Variants in TRIM2 observed in about 807,000 individuals in gnomAD.
TRIM2 encodes tripartite motif containing 2, also known as tripartite motif-containing protein 2.
Under a neutral mutation model 75.2 loss-of-function variants are expected in TRIM2, and 20 were observed. That is an observed-to-expected ratio of 0.27 (90% CI 0.19 to 0.39). TRIM2 has a LOEUF of 0.39. TRIM2 is among the 10% of genes least tolerant of loss of function. The probability of loss-of-function intolerance (pLI) is 1.00; values close to 1 mark genes in which losing one functional copy is unlikely to be tolerated. For synonymous variants in TRIM2, 373 were observed against 388.3 expected (o/e 0.96, Z 0.46); for missense variants, 660 against 990.8 (o/e 0.67, Z 4.48).
At chr4:153,217,576 T>G (rs543206183) in intron 1 of TRIM2, among the ~76,000 whole-genome samples, 1 of 152,206 alleles carries the variant, frequency 6.6e-6, no homozygotes, top group South Asian at 2.1e-4. Context: ...AGTGACTCAG[T>G]GATGCTTGAC....
At position 153,328,579 on chromosome 4, in the gene TRIM2, A is replaced by G; in HGVS notation, c.2072A>G (p.Glu691Gly). 1 of 1,613,062 alleles carries G rather than the reference A, an allele frequency of 6.2e-7. No individual in the cohort carries two copies. Among genetic ancestry groups the G allele is most frequent in the Non-Finnish European group, 8.5e-7 (1 of 1,179,574 alleles). ...ATGTTGAAGTTTGGCTCAAATGGAG[A>G]AGGAAATGGGCAGTTTAATGCTCCA... is the stretch of plus-strand genomic sequence containing the variant. Reference protein sequence around the residue: ...EFMLKFGSNGEGNGQFNAPTG... With the variant: ...EFMLKFGSNGGGNGQFNAPTG... The change falls in exon 11 of 12, where the codon GAA becomes GGA. Residue 691 changes from glutamate to glycine, a missense_variant. This residue lies in a region of TRIM2 where 40 missense variants were observed against 99.8 expected (regional missense o/e 0.40). Coordinates refer to ENST00000338700, the MANE Select transcript of TRIM2 (RefSeq NM_015271.5).
Position 153,204,537 on chromosome 4 carries a change from A to T in TRIM2, c.7A>T (p.Arg3Trp). 1 of 1,551,726 alleles carries T rather than the reference A, an allele frequency of 6.4e-7. No individual in the cohort carries two copies. The highest frequency in any genetic ancestry group is 8.7e-7 in the Non-Finnish European group (1 of 1,146,996). Residue 3 changes from arginine (R) to tryptophan (W), a missense_variant, in exon 1 of 12, where the codon AGG (arginine) becomes TGG (tryptophan). Coordinates refer to ENST00000338700, the MANE Select transcript of TRIM2 (RefSeq NM_015271.5). ...AGGCTGGCTCTGGTCTTCGATGCAC[A>T]GGAGTGGCCGTTATGGAACGCAGGT... MH[R>W]SGRYGTQQQR...
chr4:153,241,125 T>C (rs1746457696), intron 1 of TRIM2, among the ~76,000 whole-genome samples: 2 of 152,210 alleles, frequency 1.3e-5, no homozygotes, highest in Admixed American at 1.3e-4. Context: ...TATGTGTCAC[T>C]CTTAAGTAGG....
chr4:153,266,749 T>G (rs1237642038), intron 1 of TRIM2, among the ~76,000 whole-genome samples: 2 of 151,632 alleles, frequency 1.3e-5, no homozygotes, highest in Non-Finnish European at 2.9e-5. Context: ...ACTCCCAAAG[T>G]GCTGGGATTA....
chr4:153,315,857 A>G lies in TRIM2; in HGVS notation c.1640A>G (p.Lys547Arg). 6.2e-7 allele frequency: 1 copy of G among 1,614,206 alleles called. No individual in the cohort carries two copies. Among genetic ancestry groups the G allele is most frequent in the Non-Finnish European group, 8.5e-7 (1 of 1,180,040 alleles). Residue 547 changes from lysine (K) to arginine (R), a missense_variant, in exon 8 of 12, where the codon AAA becomes AGA. Transcript: ENST00000338700. ...VQIFSNDGQFKSRFGIRGRSP... is the reference protein window; with the variant it reads ...VQIFSNDGQFRSRFGIRGRSP... ...ATATTTTCCAATGATGGCCAGTTCA[A>G]AAGTCGTTTTGGCATACGGGGACGC...
intron 1 of TRIM2, among the ~76,000 whole-genome samples, chr4:153,175,212 G>C (rs1731296702): frequency 6.6e-6 from 1 of 152,100 alleles, no homozygotes; most frequent in Non-Finnish European, 1.5e-5. Context: ...AGTAGAGACA[G>C]GGTTTCACCA....
chr4:153,208,923 G>T (rs755047155), intron 1 of TRIM2, among the ~76,000 whole-genome samples: 7 of 152,224 alleles, frequency 4.6e-5, no homozygotes, highest in Non-Finnish European at 7.3e-5. Context: ...GGAGCAGTGG[G>T]TGGGTACTGA....
chr4:153,251,816 A>T (rs984863468), intron 1 of TRIM2, among the ~76,000 whole-genome samples: 1 of 151,884 alleles, frequency 6.6e-6, no homozygotes, highest in African/African-American at 2.4e-5. Context: ...CTGTCTCCAT[A>T]AAAAAATACA....
At chr4:153,221,414 C>T (rs1166100324) in intron 1 of TRIM2, among the ~76,000 whole-genome samples, 1 of 152,084 alleles carries the variant, frequency 6.6e-6, no homozygotes, top group Non-Finnish European at 1.5e-5. Flanking sequence ...GACAACAGAA[C>T]GAGACCCTGT....
chr4:153,304,505 G>A (rs1764585903), intron 6 of TRIM2, among the ~76,000 whole-genome samples: 1 of 152,088 alleles, frequency 6.6e-6, no homozygotes. Flanking sequence ...GGAAGGGAAA[G>A]CAGGTACAAA....
chr4:153,270,209 T>C, intron 1 of TRIM2, 126 bp from the exon 2 acceptor site: 1 of 1,123,226 alleles, frequency 8.9e-7, no homozygotes, highest in Non-Finnish European at 1.2e-6. Context: ...ATTACAGGCA[T>C]GAGCCACCAC....
chr4:153,198,583 C>G (rs1271148729), intron 1 of TRIM2, among the ~76,000 whole-genome samples: 1 of 152,182 alleles, frequency 6.6e-6, no homozygotes, highest in African/African-American at 2.4e-5. Flanking sequence ...CACCATTCAT[C>G]TATGTATTAT....
chr4:153,280,071 C>T (rs895257424), intron 3 of TRIM2, among the ~76,000 whole-genome samples: 7 of 150,674 alleles, frequency 4.6e-5, no homozygotes, highest in African/African-American at 1.7e-4. Context: ...GAGACCCTGC[C>T]CCTACCCCCA....
intron 1 of TRIM2, among the ~76,000 whole-genome samples, chr4:153,215,674 T>G (rs755359026): frequency 1.3e-5 from 2 of 152,112 alleles, no homozygotes; most frequent in South Asian, 4.2e-4. Flanking sequence ...TATTAAAAAT[T>G]TCAACATATG....
intron 6 of TRIM2, among the ~76,000 whole-genome samples, chr4:153,305,000 C>G (rs1764683981): frequency 6.6e-6 from 1 of 152,018 alleles, no homozygotes; most frequent in Admixed American, 6.6e-5. Flanking sequence ...TCCACATGAG[C>G]TATTATAAGG....
At chr4:153,256,907 C>CTGTTTGTTTGTTTGTTTGTT (rs139703340) in intron 1 of TRIM2, among the ~76,000 whole-genome samples, 12 of 151,726 alleles carry the variant, frequency 7.9e-5, no homozygotes, top group African/African-American at 2.7e-4. Context: ...TGGAACTGGA[C>CTGTTTGTTTGTTTGTTTGTT]TGTTTGTTTG....
intron 1 of TRIM2, among the ~76,000 whole-genome samples, chr4:153,247,434 G>GGGA: frequency 6.6e-6 from 1 of 152,270 alleles, no homozygotes; most frequent in South Asian, 2.1e-4. Context: ...CCAGCACTTC[G>GGGA]GGAGGCCGAG....
chr4:153,244,355 CTCTTCTTCT>C (rs1209366783), intron 1 of TRIM2, among the ~76,000 whole-genome samples: 160 of 12,670 alleles, frequency 0.013, 4 homozygotes, highest in East Asian at 0.032. Flanking sequence ...CTTCTTCTTC[CTCTTCTTCT>C]TCTTCTTCTT....
intron 8 of TRIM2, among the ~76,000 whole-genome samples, chr4:153,321,180 T>C (rs1278961146): frequency 6.6e-6 from 1 of 152,182 alleles, no homozygotes; most frequent in Non-Finnish European, 1.5e-5. Flanking sequence ...AATACCACAC[T>C]CTTTAAAGAG....
Sources: gnomAD v4.1 joint callset for allele counts (sites outside exome capture counted in the v4.1 genomes callset) on GRCh38, gnomAD v4.1.1 for gene constraint, gnomAD v4.1.1 regional missense constraint, MANE v1.5 for transcripts, NCBI Gene and HGNC (gene_info 2026-07-23, HGNC 2026-07-21) for gene names.